ADGRV1: variants seen among roughly 807,000 people sequenced by gnomAD.
ADGRV1 encodes adhesion G protein-coupled receptor V1, also known as G-protein coupled receptor 98.
A neutral mutation model predicts 596.2 loss-of-function variants in ADGRV1; 359 were observed. The observed-to-expected ratio is 0.60, with a 90% CI of 0.55 to 0.66. ADGRV1 has a LOEUF of 0.66. ADGRV1 is among the 30% of genes least tolerant of loss of function. The probability of loss-of-function intolerance (pLI) is 0.00; values close to 1 mark genes in which losing one functional copy is unlikely to be tolerated. For synonymous variants in ADGRV1, 2,681 were observed against 2,679.2 expected (o/e 1.00, Z -0.02); for missense variants, 7,274 against 7,575.6 (o/e 0.96, Z 1.48).
intron 84 of ADGRV1, among the ~76,000 whole-genome samples, chr5:90,971,522 C>A (rs1335165000): frequency 6.6e-6 from 1 of 152,156 alleles, no homozygotes; most frequent in Non-Finnish European, 1.5e-5. Context: ...ACTCTACAAG[C>A]CAGAAGAGAG....
intron 82 of ADGRV1, among the ~76,000 whole-genome samples, chr5:90,859,310 G>A (rs1349628834): frequency 6.6e-6 from 1 of 152,128 alleles, no homozygotes; most frequent in Non-Finnish European, 1.5e-5. Flanking sequence ...TATTGGTTAA[G>A]TAAATAAATA....
At chr5:90,755,973 T>TC (rs1394452580) in intron 55 of ADGRV1, among the ~76,000 whole-genome samples, 1 of 150,820 alleles carries the variant, frequency 6.6e-6, no homozygotes, top group African/African-American at 2.4e-5. Context: ...ATGAGGGTTT[T>TC]CCCCCCCTTT....
chr5:90,823,553 G>T lies in ADGRV1; in HGVS notation c.16325G>T (p.Gly5442Val). 1.2e-6 allele frequency: 2 copies of T among 1,613,894 alleles called. No individual in the cohort carries two copies. The highest frequency in any genetic ancestry group is 1.7e-6 in the Non-Finnish European group (2 of 1,179,850). The change falls in exon 76 of 90, where the codon GGT becomes GTT. Residue 5442 changes from glycine to valine, a missense_variant. This residue lies in a region of ADGRV1 where 1,874 missense variants were observed against 1,970.2 expected (regional missense o/e 0.95). Coordinates refer to ENST00000405460, the MANE Select transcript of ADGRV1 (RefSeq NM_032119.4). ...TCAGGGACCACAACCTGTACAATGG[G>T]TCAAACAAAATGCTTTATCAGCATT... ...SVSGTTTCTM[G>V]QTKCFISIEL... is the part of the protein sequence containing the mutation.
chr5:91,031,639 T>G (rs1301317646), intron 85 of ADGRV1, among the ~76,000 whole-genome samples: 1 of 152,240 alleles, frequency 6.6e-6, no homozygotes, highest in African/African-American at 2.4e-5. Flanking sequence ...TTCAAATATG[T>G]TAGCATAAGA....
At chr5:90,992,099 A>G (rs1055603879) in intron 85 of ADGRV1, among the ~76,000 whole-genome samples, 7 of 152,220 alleles carry the variant, frequency 4.6e-5, no homozygotes, top group Non-Finnish European at 1.0e-4. Flanking sequence ...TCAGACCTTA[A>G]AATTAAAAAA....
chr5:91,064,532 C>G lies in ADGRV1; in HGVS notation c.18153-7915C>G, dbSNP rs115116487. 3.8e-3 allele frequency among the ~76,000 whole-genome samples: 571 copies of G among 152,242 alleles called. 2 individuals are homozygous for G. The highest frequency in any genetic ancestry group is 0.013 in the African/African-American group (526 of 41,542). On this transcript the variant is annotated intron_variant, in intron 85 of 89. Transcript: ENST00000405460. The stretch of plus-strand genomic sequence containing the variant: ...AATTAGTCTTAATTATCCAGCCAGT[C>G]CAGTTTAGGAAAAACTGTTCCCCTC...
intron 84 of ADGRV1, among the ~76,000 whole-genome samples, chr5:90,982,495 A>G (rs989826900): frequency 6.6e-6 from 1 of 152,226 alleles, no homozygotes; most frequent in Admixed American, 6.5e-5. Context: ...AAGAAGAAAG[A>G]AAAACTAAGT....
At chr5:90,725,778 T>C in intron 48 of ADGRV1, 122 bp downstream of exon 48, 1 of 616,528 alleles carries the variant, frequency 1.6e-6, no homozygotes, top group South Asian at 2.1e-5. Context: ...TTGATTGTGG[T>C]AAAGTAGAAT....
At chr5:91,154,648 A>C (rs1046089493) in intron 89 of ADGRV1, among the ~76,000 whole-genome samples, 6 of 152,206 alleles carry the variant, frequency 3.9e-5, no homozygotes, top group Non-Finnish European at 7.3e-5. Context: ...AAACTGGGTA[A>C]TTTATAAAGG....
chr5:90,635,587 A>G (rs1472920595), intron 10 of ADGRV1, among the ~76,000 whole-genome samples: 4 of 145,888 alleles, frequency 2.7e-5, no homozygotes, highest in Non-Finnish European at 6.0e-5. Flanking sequence ...GTAGCCAAAC[A>G]TAAACTTTTT....
intron 87 of ADGRV1, among the ~76,000 whole-genome samples, chr5:91,145,048 T>C (rs1795414295): frequency 6.6e-6 from 1 of 152,232 alleles, no homozygotes; most frequent in Non-Finnish European, 1.5e-5. Flanking sequence ...GAAAGTCCAT[T>C]TTCTATATTT....
intron 54 of ADGRV1, among the ~76,000 whole-genome samples, chr5:90,754,530 C>G (rs915180898): frequency 3.3e-5 from 5 of 152,154 alleles, no homozygotes; most frequent in African/African-American, 1.2e-4. Context: ...TTTGAGCCTC[C>G]TGATAGGCAC....
chr5:90,828,725 C>T (rs182999362), intron 76 of ADGRV1, among the ~76,000 whole-genome samples: 5 of 151,890 alleles, frequency 3.3e-5, no homozygotes, highest in Admixed American at 6.6e-5. Flanking sequence ...GTAAGAAGCT[C>T]GCCCAGAGAA....
intron 87 of ADGRV1, among the ~76,000 whole-genome samples, chr5:91,122,343 G>T (rs1340395207): frequency 1.3e-5 from 2 of 152,170 alleles, no homozygotes; most frequent in Non-Finnish European, 2.9e-5. Flanking sequence ...TTTCACAGTG[G>T]CATTTCCCAA....
chr5:90,695,907 A>G (rs1747135065), intron 33 of ADGRV1, among the ~76,000 whole-genome samples: 1 of 152,102 alleles, frequency 6.6e-6, no homozygotes. Flanking sequence ...GGATTTTTCC[A>G]GTGGTTATGT....
chr5:90,985,074 A>T (rs1780375368), intron 84 of ADGRV1, among the ~76,000 whole-genome samples: 1 of 152,268 alleles, frequency 6.6e-6, no homozygotes, highest in Admixed American at 6.5e-5. Flanking sequence ...AACTGAGAGT[A>T]AATCAGAGCA....
chr5:90,934,045 G>T (rs963937380), intron 83 of ADGRV1, among the ~76,000 whole-genome samples: 3 of 152,176 alleles, frequency 2.0e-5, no homozygotes, highest in Non-Finnish European at 4.4e-5. Context: ...CAGAAAAGTA[G>T]CCATGGGTTC....
intron 84 of ADGRV1, among the ~76,000 whole-genome samples, chr5:90,969,116 A>G (rs1778729179): frequency 6.6e-6 from 1 of 152,228 alleles, no homozygotes; most frequent in African/African-American, 2.4e-5. Flanking sequence ...AACAAGTTAC[A>G]TAACCTCTCT....
At chr5:90,861,640 A>G (rs1351788004) in intron 82 of ADGRV1, among the ~76,000 whole-genome samples, 1 of 152,142 alleles carries the variant, frequency 6.6e-6, no homozygotes, top group African/African-American at 2.4e-5. Context: ...CATTCTATTT[A>G]TAGTTATAAC....
Sources: gnomAD v4.1 joint callset for allele counts (sites outside exome capture counted in the v4.1 genomes callset) on GRCh38, gnomAD v4.1.1 for gene constraint, gnomAD v4.1.1 regional missense constraint, MANE v1.5 for transcripts, NCBI Gene and HGNC (gene_info 2026-07-23, HGNC 2026-07-21) for gene names.